Variants in HIP1 observed in about 807,000 individuals in gnomAD.
HIP1 encodes huntingtin-interacting protein 1.
Under a neutral mutation model 147.6 loss-of-function variants are expected in HIP1, and 65 were observed. The observed-to-expected ratio is 0.44, with a 90% CI of 0.36 to 0.54. The LOEUF (loss-of-function observed/expected upper bound fraction) is 0.54, where lower values mean the gene tolerates loss of function less well. Ranked by LOEUF, HIP1 falls within the 20% of genes least tolerant of loss-of-function variation. The pLI, the probability that HIP1 is intolerant of heterozygous loss-of-function variation, is 0.00. For synonymous variants in HIP1, 479 were observed against 504.0 expected, an observed-to-expected ratio of 0.95 and a Z score of 0.67; for missense variants, 1,061 against 1,299.6, an observed-to-expected ratio of 0.82 and a Z score of 2.82.
intron 1 of HIP1, among the ~76,000 whole-genome samples, chr7:75,718,028 A>AGG (rs1801376755): frequency 6.6e-6 from 1 of 151,954 alleles, no homozygotes; most frequent in Non-Finnish European, 1.5e-5. Context: ...CACACCTGTA[A>AGG]TCCCAGCACA....
rs587674057 is a variant in HIP1, at chr7:75,555,407, C to T, written c.1963+9G>A. 5 of 1,613,198 alleles carry T rather than the reference C, an allele frequency of 3.1e-6. No individual in the cohort carries two copies. Among genetic ancestry groups the T allele is most frequent in the African/African-American group, 1.3e-5 (1 of 75,048 alleles). On this transcript the variant is annotated intron_variant, in intron 19 of 30. Transcript: ENST00000336926. ...CTGGCCCCTGCCAGCTGGGCAATTG[C>T]AAGTGTACCTGCAGACCCAGCGCAG...
At chr7:75,729,338 T>G in intron 1 of HIP1, among the ~76,000 whole-genome samples, 1 of 142,936 alleles carries the variant, frequency 7.0e-6, no homozygotes, top group African/African-American at 2.6e-5. Flanking sequence ...AAAAAATTAA[T>G]TAGCTGGGTG....
At chr7:75,664,288 ATATG>A (rs1246023058) in intron 1 of HIP1, among the ~76,000 whole-genome samples, 50 of 53,658 alleles carry the variant, frequency 9.3e-4, no homozygotes, top group Non-Finnish European at 1.7e-3. Flanking sequence ...ATACACACAT[ATATG>A]TATGTATATA....
At chr7:75,604,241 AG>A (rs1554503492) in intron 1 of HIP1, among the ~76,000 whole-genome samples, 1 of 152,206 alleles carries the variant, frequency 6.6e-6, no homozygotes, top group Non-Finnish European at 1.5e-5. Flanking sequence ...AGGACTTACA[AG>A]GCATATAAAC....
At chr7:75,658,793 G>A (rs1799217759) in intron 1 of HIP1, among the ~76,000 whole-genome samples, 1 of 152,070 alleles carries the variant, frequency 6.6e-6, no homozygotes, top group African/African-American at 2.4e-5. Flanking sequence ...TAGCTATTCA[G>A]GAGGCTGAGG....
At chr7:75,571,704 T>G (rs2116881704) in intron 8 of HIP1, among the ~76,000 whole-genome samples, 1 of 152,306 alleles carries the variant, frequency 6.6e-6, no homozygotes, top group Non-Finnish European at 1.5e-5. Flanking sequence ...CGCCTTAGCC[T>G]CCCAGGTAGC....
intron 1 of HIP1, among the ~76,000 whole-genome samples, chr7:75,632,561 C>CTTTTTTTTT: frequency 7.4e-6 from 1 of 134,290 alleles, no homozygotes; most frequent in African/African-American, 2.7e-5. Context: ...CTAATTTTTT[C>CTTTTTTTTT]TTTTTTTTTT....
chr7:75,710,925 G>A (rs1291937830), intron 1 of HIP1, among the ~76,000 whole-genome samples: 1 of 152,094 alleles, frequency 6.6e-6, no homozygotes, highest in Non-Finnish European at 1.5e-5. Context: ...ACCCTCTAAA[G>A]TGACACATGC....
chr7:75,594,592 G>A (rs1343134159), intron 2 of HIP1, among the ~76,000 whole-genome samples: 1 of 151,984 alleles, frequency 6.6e-6, no homozygotes, highest in African/African-American at 2.4e-5. Flanking sequence ...TGGCCAACAT[G>A]GTGAAACCCC....
rs1262147565 is a variant in HIP1 at position 75,718,451 on chromosome 7, GT to G, written c.120+20349del. 2.0e-5 allele frequency among the ~76,000 whole-genome samples: 3 copies of G among 152,124 alleles called. No individual in the cohort carries two copies. The East Asian group carries it at 5.8e-4, about 29-fold the overall frequency. ...AGGAGAAAAAGGCTGAGAGAATGCT[GT>G]TTTTTGGTAACAAGCCTGTATAACT... is the stretch of plus-strand genomic sequence containing the variant. On this transcript the variant is annotated intron_variant, in intron 1 of 30. Coordinates refer to ENST00000336926, the MANE Select transcript of HIP1 (RefSeq NM_005338.7).
intron 1 of HIP1, among the ~76,000 whole-genome samples, chr7:75,681,182 G>A (rs1291237387): frequency 6.6e-6 from 1 of 152,010 alleles, no homozygotes; most frequent in African/African-American, 2.4e-5. Flanking sequence ...CAAAGTGCTG[G>A]GATTACGGGC....
In HIP1 at chr7:75,726,766, G is replaced by A. The variant is rs868983669; in HGVS notation, c.120+12035C>T. 2.8e-5 allele frequency among the ~76,000 whole-genome samples: 4 copies of A among 143,670 alleles called. No individual in the cohort carries two copies. The South Asian group carries it at 8.8e-4, about 32-fold the overall frequency. 94.3% of individuals were successfully genotyped at this position (143,670 alleles called of 152,430 possible). On this transcript the variant is annotated intron_variant, in intron 1 of 30. Transcript: ENST00000336926. ...TCCACCAGGCTGGAGTGCAGTGTAC[G>A]ATCTCCATCTCGGTTCACTGCAACC...
At chr7:75,725,755 C>T (rs146575755) in intron 1 of HIP1, among the ~76,000 whole-genome samples, 115 of 151,674 alleles carry the variant, frequency 7.6e-4, no homozygotes, top group African/African-American at 2.6e-3. Flanking sequence ...GGTGTGTTTG[C>T]AGGTTGGGAC....
chr7:75,598,169 C>A (rs1424755214), intron 2 of HIP1, among the ~76,000 whole-genome samples: 1 of 152,062 alleles, frequency 6.6e-6, no homozygotes, highest in Non-Finnish European at 1.5e-5. Context: ...GATCTCAGCA[C>A]TTTAGGAGGC....
At chr7:75,671,657 C>T (rs996761549) in intron 1 of HIP1, among the ~76,000 whole-genome samples, 4 of 152,094 alleles carry the variant, frequency 2.6e-5, no homozygotes, top group Non-Finnish European at 5.9e-5. Context: ...TTCACAGCAT[C>T]GTACCATTTT....
chr7:75,722,204 C>T (rs564021758), intron 1 of HIP1, among the ~76,000 whole-genome samples: 2 of 151,910 alleles, frequency 1.3e-5, no homozygotes, highest in South Asian at 2.1e-4. Flanking sequence ...CAGCTACTTG[C>T]GAGGCTGAGG....
intron 1 of HIP1, among the ~76,000 whole-genome samples, chr7:75,736,597 G>A (rs1230764756): frequency 1.3e-5 from 2 of 152,044 alleles, no homozygotes; most frequent in Non-Finnish European, 2.9e-5. Flanking sequence ...GTTTCATGGA[G>A]CAAGAAGCCT....
intron 22 of HIP1, among the ~76,000 whole-genome samples, chr7:75,552,019 A>G (rs781929794): frequency 1.3e-5 from 2 of 151,950 alleles, no homozygotes; most frequent in Admixed American, 6.6e-5. Context: ...CCTCCTAAGT[A>G]GCTGGGATTA....
Position 75,568,365 on chromosome 7 carries a change from G to T in HIP1, c.746-109C>A. 1.3e-6 allele frequency: 1 copy of T among 786,488 alleles called. No homozygotes were observed. 48.7% of individuals were successfully genotyped at this position (786,488 alleles called of 1,614,324 possible). A position where few individuals can be genotyped will look rare whatever the true frequency, so the allele number is the denominator to read the frequency against. ...CCAGCTACCCTGGGGCATGTGGCCAGCACTGCCAGGGGCCACGACTGGCCT... is the reference window on the plus strand; with the variant it reads ...CCAGCTACCCTGGGGCATGTGGCCATCACTGCCAGGGGCCACGACTGGCCT... On this transcript the variant is annotated intron_variant, in intron 8 of 30. Transcript: ENST00000336926. The surrounding 1 kb of genome is among the most constrained non-coding windows in gnomAD (Gnocchi z 4.1).
Sources: allele counts gnomAD v4.1 joint callset (sites outside exome capture counted in the v4.1 genomes callset), GRCh38; gene constraint gnomAD v4.1.1; non-coding constraint Gnocchi (gnomAD v3.1); transcripts MANE v1.5; gene names NCBI Gene and HGNC (gene_info 2026-07-23, HGNC 2026-07-21).